NIBAN3: variants seen among roughly 807,000 people sequenced by gnomAD.
The protein encoded by NIBAN3 is niban apoptosis regulator 3.
In NIBAN3, 66 loss-of-function variants were observed where a neutral mutation model predicts 76.4. That is an observed-to-expected ratio of 0.86 (90% CI 0.71 to 1.06). NIBAN3 has a LOEUF of 1.06. NIBAN3 is among the 50% of genes least tolerant of loss of function. NIBAN3 has a pLI of 0.00. For missense variants in NIBAN3, 808 were observed against 810.7 expected, an observed-to-expected ratio of 1.00 and a Z score of 0.04; for synonymous variants, 360 against 355.2, an observed-to-expected ratio of 1.01 and a Z score of -0.15.
In NIBAN3 at chr19:17,542,212, G is replaced by C. The variant is rs142486184; in HGVS notation, c.1247G>C (p.Gly416Ala). 1 of 1,614,124 alleles carries C rather than the reference G, an allele frequency of 6.2e-7. No homozygotes were observed. Among genetic ancestry groups the C allele is most frequent in the Non-Finnish European group, 8.5e-7 (1 of 1,180,026 alleles). ...TACCGTGAGGCCGAGCGGAGCCGGG[G>C]GCGCTTGGGGCAGCTGGCAGCACCG... ...TCYREAERSR[G>A]RLGQLAAPFG... is the part of the protein sequence containing the mutation. The change falls in exon 10 of 15, where the codon GGG becomes GCG. Residue 416 changes from glycine (G) to alanine (A), a missense_variant. Physicochemically the swap from Gly to Ala is moderately conservative, Grantham distance 60 (BLOSUM62 0). Coordinates refer to ENST00000599164, the MANE Select transcript of NIBAN3 (RefSeq NM_001321827.2). The surrounding 1 kb of genome is among the most constrained non-coding windows in gnomAD (Gnocchi z 4.8).
chr19:17,537,685 C>A, intron 5 of NIBAN3, 142 bp downstream of exon 5: 2 of 749,928 alleles, frequency 2.7e-6, no homozygotes, highest in Non-Finnish European at 4.1e-6. Flanking sequence ...GTGGTTCATG[C>A]CTGTAATTCT....
intron 8 of NIBAN3, among the ~76,000 whole-genome samples, chr19:17,539,982 C>T (rs1365888282): frequency 1.4e-5 from 2 of 146,196 alleles, no homozygotes; most frequent in Non-Finnish European, 3.0e-5. Context: ...GCACTGGGGG[C>T]GGGGCCTAGA....
chr19:17,550,020 A>G (rs779341986), intron 14 of NIBAN3, among the ~76,000 whole-genome samples: 1 of 151,986 alleles, frequency 6.6e-6, no homozygotes, highest in Non-Finnish European at 1.5e-5. Flanking sequence ...GGGTTTCACC[A>G]TGTTGGCCAG....
chr19:17,540,561 A>C lies in NIBAN3; in HGVS notation c.1149A>C (p.Ser383=). Reference sequence around the variant, plus strand: ...CCCACCGCCTGCGCCAGAGCCCCTCAGGCACGCGGCTGCGCAGGGAGGTGA... The same window carrying C: ...CCCACCGCCTGCGCCAGAGCCCCTCCGGCACGCGGCTGCGCAGGGAGGTGA... ...RLSHRLRQSP[S]GTRLRREVYS... is the part of the protein sequence containing the mutation. The change falls in exon 9 of 15, where the codon TCA becomes TCC. Residue 383 remains serine, a synonymous_variant. Coordinates refer to ENST00000599164, the MANE Select transcript of NIBAN3 (RefSeq NM_001321827.2). 6.5e-7 allele frequency: 1 copy of C among 1,533,882 alleles called. No individual in the cohort carries two copies. Among genetic ancestry groups the C allele is most frequent in the Non-Finnish European group, 8.8e-7 (1 of 1,138,456 alleles).
chr19:17,541,762 T>A (rs901812860), intron 9 of NIBAN3, among the ~76,000 whole-genome samples: 1 of 152,006 alleles, frequency 6.6e-6, no homozygotes, highest in African/African-American at 2.4e-5. Flanking sequence ...CGATCTTGGC[T>A]CACTGCAACC....
upstream of NIBAN3, among the ~76,000 whole-genome samples, chr19:17,523,719 A>T: frequency 6.6e-6 from 1 of 151,052 alleles, no homozygotes; most frequent in Middle Eastern, 3.2e-3. Context: ...GGCCCCTTTC[A>T]CCTCTCCCTC....
rs755308299 is a variant in NIBAN3, at chr19:17,543,328, C to T, written c.1341C>T (p.Asp447=). 80 of 1,562,810 alleles carry T rather than the reference C, an allele frequency of 5.1e-5. No individual in the cohort carries two copies. The South Asian group carries it at 6.9e-4, about 13-fold the overall frequency. ...AQDLAQQLMA[D]AVATFLQLAD... ...ATCTCCTCCCACAGCTCATGGCTGA[C>T]GCCGTGGCCACCTTCCTGCAGCTGG... The change falls in exon 11 of 15, where the codon GAC becomes GAT. Residue 447 remains aspartate, a synonymous_variant. Transcript: ENST00000599164.
At position 17,543,615 on chromosome 19, in the gene NIBAN3, A is replaced by T. The variant is rs751965078; in HGVS notation, c.1538A>T (p.Glu513Val). Residue 513 changes from glutamate to valine, a missense_variant, in exon 12 of 15, where the codon GAG becomes GTG. Coordinates refer to ENST00000599164, the MANE Select transcript of NIBAN3 (RefSeq NM_001321827.2). ...IFLPFVLSQL[E>V]PGCKKELPEF... ...TTACCTTTTGTGCTGAGCCAACTCG[A>T]GCCAGGCTGCAAAAAGGTGAGTTAA... 24 of 1,613,506 alleles carry T rather than the reference A, an allele frequency of 1.5e-5. No homozygotes were observed. The East Asian group carries it at 5.1e-4, about 34-fold the overall frequency.
In NIBAN3 at chr19:17,539,843, A is replaced by G. The variant is rs547705463; in HGVS notation, c.979+78A>G. On this transcript the variant is annotated intron_variant, in intron 8 of 14. Transcript: ENST00000599164. ...AAAAGGGGCGTGACCTAAGCGAAGA[A>G]TGGGCTTGAAGTTATGTAAAATGGG... 4.8e-5 allele frequency: 47 copies of G among 977,468 alleles called. No homozygotes were observed. The African/African-American group carries it at 7.2e-4, about 15-fold the overall frequency. The allele number at this position is 977,468 out of a possible 1,614,324, so 60.5% of individuals were successfully genotyped here.
intron 2 of NIBAN3, among the ~76,000 whole-genome samples, chr19:17,531,191 G>T (rs2075715051): frequency 1.3e-5 from 2 of 151,944 alleles, no homozygotes; most frequent in South Asian, 4.2e-4. Flanking sequence ...GCCAGACCCT[G>T]TAGCGCGCAC....
chr19:17,540,175 T>C, intron 8 of NIBAN3: 1 of 426,290 alleles, frequency 2.3e-6, no homozygotes, highest in Non-Finnish European at 4.2e-6. Flanking sequence ...TAAAGGCTGA[T>C]ACATGGGCAG....
In NIBAN3 at chr19:17,542,198, C is replaced by T. The variant is rs1372472008; in HGVS notation, c.1233C>T (p.Ala411=). 6.8e-6 allele frequency: 11 copies of T among 1,614,094 alleles called. No homozygotes were observed. Among genetic ancestry groups the T allele is most frequent in the Admixed American group, 3.3e-5 (2 of 60,014 alleles). Residue 411 remains alanine (A), a synonymous_variant, in exon 10 of 15, where the codon GCC becomes GCT. Coordinates refer to ENST00000599164, the MANE Select transcript of NIBAN3 (RefSeq NM_001321827.2). The surrounding 1 kb of genome is among the most constrained non-coding windows in gnomAD (Gnocchi z 4.8). The stretch of plus-strand genomic sequence containing the variant: ...TGATGCAGACATGCTACCGTGAGGC[C>T]GAGCGGAGCCGGGGGCGCTTGGGGC... The part of the protein sequence containing the change: ...LALMQTCYRE[A]ERSRGRLGQL...
chr19:17,546,660 G>A (rs373104160), intron 12 of NIBAN3, 26 bp from the exon 13 acceptor site: 59 of 1,506,836 alleles, frequency 3.9e-5, no homozygotes, highest in Non-Finnish European at 5.0e-5. Context: ...CTCTCCATCC[G>A]AGCCCCTAAC....
chr19:17,553,492 G>A lies in NIBAN3; in HGVS notation c.*1594G>A. 6.2e-7 allele frequency: 1 copy of A among 1,614,154 alleles called. No homozygotes were observed. Among genetic ancestry groups the A allele is most frequent in the Non-Finnish European group, 8.5e-7 (1 of 1,180,044 alleles). On this transcript the variant is annotated 3_prime_UTR_variant, in exon 15 of 15. Coordinates refer to ENST00000599164, the MANE Select transcript of NIBAN3 (RefSeq NM_001321827.2). Reference sequence around the variant, plus strand: ...TGTGTTCTTGGTTCAGCTTGCAGAGGGACTTTCACACTCCCTGGAGACCGT... The same window carrying A: ...TGTGTTCTTGGTTCAGCTTGCAGAGAGACTTTCACACTCCCTGGAGACCGT...
At chr19:17,523,524 C>G, upstream of NIBAN3, 2 of 1,414,128 alleles carry the variant, frequency 1.4e-6, no homozygotes, top group South Asian at 1.3e-5. Context: ...GGCAGGAGGC[C>G]GTGGCCCCCA....
intron 4 of NIBAN3, among the ~76,000 whole-genome samples, chr19:17,535,816 A>T (rs1227706954): frequency 6.6e-6 from 1 of 151,888 alleles, no homozygotes; most frequent in African/African-American, 2.4e-5. Context: ...AAGTGGGAGG[A>T]TCACTCGAGC....
intron 3 of NIBAN3, 28 bp downstream of exon 3, chr19:17,532,416 C>A (rs376031827): frequency 5.6e-6 from 9 of 1,614,142 alleles, no homozygotes; most frequent in South Asian, 5.5e-5. Context: ...GGCCTTTCTA[C>A]TTCTGGGTCC....
At chr19:17,523,764 T>A (rs999960898), upstream of NIBAN3, among the ~76,000 whole-genome samples, 2 of 152,186 alleles carry the variant, frequency 1.3e-5, no homozygotes, top group African/African-American at 4.8e-5. Context: ...TCAGTCTCCC[T>A]GCAGCGCACC....
Position 17,527,412 on chromosome 19 carries a change from G to A in NIBAN3, c.55+17G>A. 1 of 1,506,040 alleles carries A rather than the reference G, an allele frequency of 6.6e-7. No individual in the cohort carries two copies. Among genetic ancestry groups the A allele is most frequent in the South Asian group, 1.3e-5 (1 of 76,456 alleles). 93.3% of individuals were successfully genotyped at this position (1,506,040 alleles called of 1,614,324 possible). ...ACCTAAGGGGTGAGCAGCCGGGGAG[G>A]GGACAGGGTGGGAGTCCAGGTGGGT... On this transcript the variant is annotated intron_variant, in intron 1 of 14. Coordinates refer to ENST00000599164, the MANE Select transcript of NIBAN3 (RefSeq NM_001321827.2).
Sources: allele counts gnomAD v4.1 joint callset (sites outside exome capture counted in the v4.1 genomes callset), GRCh38; gene constraint gnomAD v4.1.1; non-coding constraint Gnocchi (gnomAD v3.1); transcripts MANE v1.5; gene names NCBI Gene and HGNC (gene_info 2026-07-23, HGNC 2026-07-21).